Variants in ZNF248 observed in about 807,000 individuals in gnomAD.
ZNF248 encodes zinc finger protein 248.
Under a neutral mutation model 44.3 loss-of-function variants are expected in ZNF248, and 20 were observed. The ratio of observed to expected loss-of-function variants is 0.45; its 90% CI spans 0.32 to 0.66. The LOEUF is 0.66. Ranked by LOEUF, ZNF248 falls within the 30% of genes least tolerant of loss-of-function variation. The pLI, the probability that ZNF248 is intolerant of heterozygous loss-of-function variation, is 0.04. For synonymous variants in ZNF248, 224 were observed against 229.0 expected (o/e 0.98, Z 0.20); for missense variants, 654 against 677.0 (o/e 0.97, Z 0.38).
Position 37,808,033 on chromosome 10 carries a change from T to A in ZNF248, c.330+24992A>T, listed in dbSNP as rs181159552. 1.6e-3 allele frequency among the ~76,000 whole-genome samples: 243 copies of A among 152,302 alleles called. 1 individual carries two copies. Among genetic ancestry groups the A allele is most frequent in the Non-Finnish European group, 2.8e-3 (190 of 68,020 alleles). Reference sequence around the variant, plus strand: ...CCTTCTATTTCTTACACATGTTGATTTATCACATGTGCATAGCTCATTATG... The same window carrying A: ...CCTTCTATTTCTTACACATGTTGATATATCACATGTGCATAGCTCATTATG... On this transcript the variant is annotated intron_variant, in intron 6 of 6. Coordinates refer to the ZNF248 transcript ENST00000615949.
At chr10:37,766,361 T>A in the ZNF248 span, among the ~76,000 whole-genome samples, 1,341 of 152,220 alleles carry the variant, frequency 8.8e-3, 9 homozygotes, top group Non-Finnish European at 0.015. Flanking sequence ...CACCCTCTAG[T>A]AGGGGCAGAC....
chr10:37,815,962 C>T (rs78643299), intron 6 of ZNF248, among the ~76,000 whole-genome samples: 2,139 of 146,372 alleles, frequency 0.015, 54 homozygotes, highest in African/African-American at 0.051. Flanking sequence ...CTAAAGGTCC[C>T]AGTCCTTACA....
At chr10:37,837,464 C>T (rs2057457609) in intron 5 of ZNF248, among the ~76,000 whole-genome samples, 153 bp downstream of exon 5, 1 of 152,160 alleles carries the variant, frequency 6.6e-6, no homozygotes, top group Non-Finnish European at 1.5e-5. Context: ...ATTAAGGTAA[C>T]AGGGATGTGG....
intron 6 of ZNF248, among the ~76,000 whole-genome samples, chr10:37,789,987 C>T (rs190408552): frequency 1.6e-3 from 250 of 151,886 alleles, no homozygotes; most frequent in African/African-American, 5.8e-3. Context: ...TGGGGCCGGG[C>T]GCCATGGCTC....
chr10:37,768,229 T>G, the ZNF248 span, among the ~76,000 whole-genome samples: 2 of 152,030 alleles, frequency 1.3e-5, no homozygotes, highest in Non-Finnish European at 2.9e-5. Context: ...AGACAGAAAG[T>G]TAACAAGGAT....
At chr10:37,835,785 A>C (rs967412555) in intron 5 of ZNF248, among the ~76,000 whole-genome samples, 1 of 152,190 alleles carries the variant, frequency 6.6e-6, no homozygotes, top group African/African-American at 2.4e-5. Context: ...AAGTCTGTTG[A>C]CTTCTGCTCT....
downstream of ZNF248, among the ~76,000 whole-genome samples, chr10:37,773,652 C>T (rs2132744687): frequency 6.6e-6 from 1 of 152,300 alleles, no homozygotes; most frequent in Non-Finnish European, 1.5e-5. Context: ...CCTTGGCTTA[C>T]AGGTGGCCAT....
rs201213483 is a variant in ZNF248, at chr10:37,837,968, G to A, written c.142+17C>T. On this transcript the variant is annotated intron_variant, in intron 4 of 5. Transcript: ENST00000395867. ...ATGCATGCTATTGATAGCCATGTGCGGAAAAAAACTCCTTACCTACTGAGA... is the reference window on the plus strand; with the variant it reads ...ATGCATGCTATTGATAGCCATGTGCAGAAAAAAACTCCTTACCTACTGAGA... 1.3e-5 allele frequency: 21 copies of A among 1,609,982 alleles called. 1 individual carries two copies. Among genetic ancestry groups the A allele is most frequent in the African/African-American group, 9.3e-5 (7 of 74,886 alleles).
Position 37,832,688 on chromosome 10 carries a change from A to C in ZNF248, c.667T>G (p.Phe223Val), listed in dbSNP as rs745654584. Residue 223 changes from phenylalanine (F) to valine (V), a missense_variant, in exon 6 of 6, where the codon TTC becomes GTC. Coordinates refer to ENST00000395867, the MANE Select transcript of ZNF248 (RefSeq NM_021045.3). ...SFEYSKNGQG[F>V]HDEAAFFTNK... ...GTAAAAAATGCTGCCTCATCATGGA[A>C]GCCTTGTCCATTTTTACTATACTCA... is the stretch of plus-strand genomic sequence containing the variant. 6.2e-7 allele frequency: 1 copy of C among 1,613,524 alleles called. No individual in the cohort carries two copies. Among genetic ancestry groups the C allele is most frequent in the East Asian group, 2.2e-5 (1 of 44,868 alleles).
At chr10:37,795,349 A>AT (rs1399448620) in intron 6 of ZNF248, 4 of 152,180 alleles carry the variant, frequency 2.6e-5, no homozygotes, top group African/African-American at 4.8e-5. Context: ...GTTTGATATA[A>AT]TTTTTTTGAC....
chr10:37,790,420 A>G (rs1340658965), intron 6 of ZNF248, among the ~76,000 whole-genome samples: 19 of 151,998 alleles, frequency 1.3e-4, no homozygotes, highest in Non-Finnish European at 1.2e-4. Context: ...TCTCTACAAA[A>G]TAAAAAGTTA....
chr10:37,837,085 T>TA (rs67744511), intron 5 of ZNF248, among the ~76,000 whole-genome samples: 5,286 of 140,250 alleles, frequency 0.038, 183 homozygotes, highest in African/African-American at 0.097. Context: ...CTTTAAAATG[T>TA]AAAAAAAAAA....
intron 6 of ZNF248, among the ~76,000 whole-genome samples, chr10:37,790,922 TAA>T (rs372371285): frequency 4.5e-4 from 58 of 127,710 alleles, no homozygotes; most frequent in Admixed American, 8.7e-4. Flanking sequence ...CCCATTATCT[TAA>T]AAAAAAAAAA....
chr10:37,820,202 T>C (rs1312434189), intron 6 of ZNF248: 2 of 1,279,650 alleles, frequency 1.6e-6, no homozygotes, highest in African/African-American at 1.5e-5. Context: ...ATATTTTTTA[T>C]ATTGTGAGGT....
At chr10:37,846,036 TG>T (rs2059268485) in intron 3 of ZNF248, among the ~76,000 whole-genome samples, 1 of 152,228 alleles carries the variant, frequency 6.6e-6, no homozygotes, top group Non-Finnish European at 1.5e-5. Context: ...GATTTTTGCC[TG>T]TAACTTCTGC....
chr10:37,813,207 C>T (rs539788095), intron 6 of ZNF248, among the ~76,000 whole-genome samples: 4 of 152,200 alleles, frequency 2.6e-5, no homozygotes, highest in South Asian at 2.1e-4. Context: ...GAAACAATGT[C>T]GTAAAACAAA....
At chr10:37,844,724 T>C (rs1187716182) in intron 3 of ZNF248, among the ~76,000 whole-genome samples, 1 of 151,846 alleles carries the variant, frequency 6.6e-6, no homozygotes, top group African/African-American at 2.4e-5. Context: ...CAACAAAATA[T>C]CTTAAAAAAT....
chr10:37,809,700 C>A (rs976587291), intron 6 of ZNF248, among the ~76,000 whole-genome samples: 1 of 152,192 alleles, frequency 6.6e-6, no homozygotes, highest in Non-Finnish European at 1.5e-5. Flanking sequence ...ACTTTTGCTG[C>A]ATCCCATAAG....
chr10:37,834,920 C>G (rs2056795667), intron 5 of ZNF248, among the ~76,000 whole-genome samples: 1 of 152,054 alleles, frequency 6.6e-6, no homozygotes. Flanking sequence ...AAATTTAAGA[C>G]AGGTAGCAAG....
Sources: gnomAD v4.1 joint callset for allele counts (sites outside exome capture counted in the v4.1 genomes callset) on GRCh38, gnomAD v4.1.1 for gene constraint, MANE v1.5 for transcripts, NCBI Gene and HGNC (gene_info 2026-07-23, HGNC 2026-07-21) for gene names.